The following JAKMIP3 variants were observed in gnomAD, a reference collection of about 807,000 sequenced individuals.
JAKMIP3 encodes Janus kinase and microtubule interacting protein 3.
JAKMIP3 carries 58 observed loss-of-function variants against 118.5 expected under a neutral mutation model. That is an observed-to-expected ratio of 0.49 (90% CI 0.40 to 0.61). The LOEUF is 0.61. JAKMIP3 is among the 20% of genes least tolerant of loss of function. JAKMIP3 has a pLI of 0.00. For synonymous variants in JAKMIP3, 486 were observed against 451.2 expected, an observed-to-expected ratio of 1.08 and a Z score of -0.98; for missense variants, 950 against 1,109.0, an observed-to-expected ratio of 0.86 and a Z score of 2.04.
At chr10:132,174,850 A>G (rs2060004874) in intron 23 of JAKMIP3, among the ~76,000 whole-genome samples, 1 of 152,140 alleles carries the variant, frequency 6.6e-6, no homozygotes, top group Non-Finnish European at 1.5e-5. Flanking sequence ...GCATCTTGCT[A>G]CTGACTAATG....
chr10:132,036,684 C>A (rs1261985193), exon 1 of JAKMIP3, among the ~76,000 whole-genome samples: 2 of 150,690 alleles, frequency 1.3e-5, no homozygotes, highest in East Asian at 3.9e-4. Context: ...GCCGCCTCTG[C>A]CATGGCCGAT....
intron 1 of JAKMIP3, among the ~76,000 whole-genome samples, chr10:132,054,951 A>G (rs2038199615): frequency 6.6e-6 from 1 of 150,820 alleles, no homozygotes; most frequent in South Asian, 2.1e-4. Context: ...GGGGATAGTG[A>G]GAGTCCTGCA....
chr10:132,156,109 C>T (rs1052759338), intron 19 of JAKMIP3, among the ~76,000 whole-genome samples: 1 of 152,184 alleles, frequency 6.6e-6, no homozygotes, highest in Non-Finnish European at 1.5e-5. Flanking sequence ...AGCCAGCTGA[C>T]ACTCCTCTGC....
At chr10:132,050,450 G>A (rs765576746) in intron 1 of JAKMIP3, among the ~76,000 whole-genome samples, 28 of 152,168 alleles carry the variant, frequency 1.8e-4, no homozygotes, top group African/African-American at 3.4e-4. Context: ...ACCAGAGGGC[G>A]GGAAGTAGTG....
chr10:132,117,630 AG>A lies in JAKMIP3; in HGVS notation c.633+59del, dbSNP rs1589854363. On this transcript the variant is annotated intron_variant, in intron 3 of 23. Coordinates refer to ENST00000684848, the MANE Select transcript of JAKMIP3 (RefSeq NM_001323087.2). The surrounding 1 kb of genome is among the most constrained non-coding windows in gnomAD (Gnocchi z 8.6). ...GAGGGTGCAGGGGCGGGCGTGGGCG[AG>A]GGTGCAGGGGCGGGCGTGGGCGAGG... The A allele has an allele frequency of 3.3e-5, 25 of 765,436 alleles. 1 individual carries two copies. The East Asian group carries it at 8.6e-4, about 26-fold the overall frequency. The allele number at this position is 765,436 out of a possible 1,614,324, so 47.4% of individuals were successfully genotyped here.
At chr10:132,135,379 C>T (rs1175877672) in intron 5 of JAKMIP3, among the ~76,000 whole-genome samples, 2 of 152,236 alleles carry the variant, frequency 1.3e-5, no homozygotes, top group African/African-American at 4.8e-5. Flanking sequence ...AACCCCTGCT[C>T]TGCGTTAGTG....
intron 23 of JAKMIP3, among the ~76,000 whole-genome samples, chr10:132,180,706 T>C (rs867107498): frequency 0.048 from 1,240 of 25,876 alleles, 453 homozygotes; most frequent in African/African-American, 0.25. Context: ...CGTGTGTGTG[T>C]GCGCGTGTGT....
intron 1 of JAKMIP3, among the ~76,000 whole-genome samples, chr10:132,104,310 T>C (rs35140905): frequency 0.23 from 34,678 of 151,516 alleles, 4,764 homozygotes; most frequent in African/African-American, 0.38. Context: ...GTGGTTTATA[T>C]GTGCCATTGC....
Position 132,168,883 on chromosome 10 carries a change from C to T in JAKMIP3, c.*953C>T, listed in dbSNP as rs1205091375. The T allele has an allele frequency of 7.9e-5, 5 of 63,060 alleles. No homozygotes were observed. The highest frequency in any genetic ancestry group is 5.1e-4 in the Admixed American group (2 of 3,896). 3.9% of individuals were successfully genotyped at this position (63,060 alleles called of 1,614,324 possible). A position where few individuals can be genotyped will look rare whatever the true frequency, so the allele number is the denominator to read the frequency against. ...GGCCAGCCCTGCAGGCCATGGACCC[C>T]GGCGGGCACCGAAGCCTCACCCCAA... On this transcript the variant is annotated 3_prime_UTR_variant, in exon 23 of 24. Transcript: ENST00000684848.
At chr10:132,129,927 G>C (rs2050259986) in intron 3 of JAKMIP3, among the ~76,000 whole-genome samples, 1 of 144,630 alleles carries the variant, frequency 6.9e-6, no homozygotes, top group Non-Finnish European at 1.5e-5. Context: ...TCCAGCACGA[G>C]ACCACCAAGC....
intron 22 of JAKMIP3, 89 bp from the exon 23 acceptor site, chr10:132,167,864 G>GCCCTCAC (rs2059104735): frequency 3.5e-6 from 3 of 847,416 alleles, no homozygotes; most frequent in Admixed American, 5.4e-5. Context: ...TCACCCCTCG[G>GCCCTCAC]CCCTCGCCCC....
chr10:132,072,942 T>C (rs113845453), intron 1 of JAKMIP3, among the ~76,000 whole-genome samples: 6,217 of 152,268 alleles, frequency 0.041, 194 homozygotes, highest in South Asian at 0.16. Flanking sequence ...CAGTATCTGT[T>C]CCACTCTGTC....
intron 21 of JAKMIP3, 134 bp downstream of exon 21, chr10:132,164,869 C>A (rs758588692): frequency 1.5e-6 from 1 of 659,168 alleles, no homozygotes; most frequent in Non-Finnish European, 2.7e-6. Flanking sequence ...GGGAAGCGGC[C>A]GCCTGGAGGC....
At chr10:132,167,489 C>T (rs2059025499) in intron 22 of JAKMIP3, among the ~76,000 whole-genome samples, 1 of 152,130 alleles carries the variant, frequency 6.6e-6, no homozygotes, top group Non-Finnish European at 1.5e-5. Context: ...GAGATTCAGC[C>T]AGGAGGGCTT....
chr10:132,090,121 T>C (rs189934634), intron 1 of JAKMIP3, among the ~76,000 whole-genome samples: 10 of 152,356 alleles, frequency 6.6e-5, no homozygotes, highest in African/African-American at 1.7e-4. Context: ...CAGTATTTGA[T>C]TGAGGATTTT....
chr10:132,083,582 G>A (rs376292541), intron 1 of JAKMIP3, among the ~76,000 whole-genome samples: 1 of 152,076 alleles, frequency 6.6e-6, no homozygotes, highest in South Asian at 2.1e-4. Flanking sequence ...TTGCTTTTGG[G>A]TTCTTGGTCA....
At chr10:132,039,184 G>A (rs996771352) in intron 1 of JAKMIP3, among the ~76,000 whole-genome samples, 5 of 152,078 alleles carry the variant, frequency 3.3e-5, no homozygotes, top group Admixed American at 2.0e-4. Context: ...CAAGATCTTG[G>A]TATATTGCCC....
chr10:132,117,568 C>T lies in JAKMIP3; in HGVS notation c.627C>T (p.Arg209=), dbSNP rs1463756261. The T allele has an allele frequency of 5.2e-6, 8 of 1,548,564 alleles. No homozygotes were observed. The highest frequency in any genetic ancestry group is 7.0e-6 in the Non-Finnish European group (8 of 1,145,414). ...RIKKECEREI[R]RLMEEIKFKD... is the part of the protein sequence containing the mutation. ...AGAAGGAGTGCGAGCGGGAGATCCG[C>T]AGGCTGGTACGTGGGCAGGCAGGGG... Residue 209 remains arginine, a synonymous_variant, in exon 3 of 24, where the codon CGC becomes CGT. Coordinates refer to ENST00000684848, the MANE Select transcript of JAKMIP3 (RefSeq NM_001323087.2). This position sits in a 1 kb window ranked among gnomAD's most constrained non-coding sequence, Gnocchi z 8.6.
At chr10:132,173,436 C>G (rs2059822133) in intron 23 of JAKMIP3, among the ~76,000 whole-genome samples, 1 of 151,618 alleles carries the variant, frequency 6.6e-6, no homozygotes, top group South Asian at 2.1e-4. Context: ...ATTGCTAACC[C>G]AGACCCTGTA....
Sources: allele counts gnomAD v4.1 joint callset (sites outside exome capture counted in the v4.1 genomes callset), GRCh38; gene constraint gnomAD v4.1.1; non-coding constraint Gnocchi (gnomAD v3.1); transcripts MANE v1.5; gene names NCBI Gene and HGNC (gene_info 2026-07-23, HGNC 2026-07-21).